Variants in CEP97 observed in about 807,000 individuals in gnomAD.
The protein encoded by CEP97 is centrosomal protein of 97 kDa.
Under a neutral mutation model 73.1 loss-of-function variants are expected in CEP97, and 43 were observed. The observed-to-expected ratio is 0.59, with a 90% CI of 0.46 to 0.76. CEP97 has a LOEUF of 0.76. CEP97 is among the 30% of genes least tolerant of loss of function. CEP97 has a pLI of 0.00. For missense variants in CEP97, 939 were observed against 1,014.0 expected (o/e 0.93, Z 1.00); for synonymous variants, 337 against 370.0 (o/e 0.91, Z 1.02).
chr3:101,751,717 G>A (rs56011334), intron 6 of CEP97, among the ~76,000 whole-genome samples: 65,484 of 151,618 alleles, frequency 0.43, 14,534 homozygotes, highest in African/African-American at 0.47. Context: ...CTGTTTTATC[G>A]GAGACTAGGA....
Position 101,758,299 on chromosome 3 carries a change from C to T in CEP97, c.1693C>T (p.Leu565Phe). Residue 565 changes from leucine to phenylalanine, a missense_variant, in exon 9 of 11, where the codon CTT (leucine) becomes TTT (phenylalanine). Transcript: ENST00000341893. ...LQKLNDAATK[L>F]QACWRGFYAR... ...GAAATTAAATGATGCAGCCACCAAG[C>T]TTCAGGCCTGTTGGCGGGGATTTTA... 6.2e-7 allele frequency: 1 copy of T among 1,614,194 alleles called. No individual in the cohort carries two copies. The highest frequency in any genetic ancestry group is 8.5e-7 in the Non-Finnish European group (1 of 1,180,036).
chr3:101,725,338 T>C (rs939938308), intron 1 of CEP97, among the ~76,000 whole-genome samples: 11 of 152,144 alleles, frequency 7.2e-5, no homozygotes, highest in African/African-American at 2.7e-4. Flanking sequence ...TACCTACCTC[T>C]TTGGGGCGCC....
At chr3:101,752,218 T>C (rs1192547858) in intron 6 of CEP97, among the ~76,000 whole-genome samples, 2 of 152,208 alleles carry the variant, frequency 1.3e-5, no homozygotes, top group Non-Finnish European at 2.9e-5. Context: ...TGAATATTAT[T>C]GGCCCCCACT....
At chr3:101,758,521 T>G in intron 9 of CEP97, 98 bp downstream of exon 9, 1 of 1,411,604 alleles carries the variant, frequency 7.1e-7, no homozygotes, top group Non-Finnish European at 9.7e-7. Context: ...ATTATAACAC[T>G]TTTCACACAA....
intron 6 of CEP97, among the ~76,000 whole-genome samples, chr3:101,736,722 A>T (rs1405309900): frequency 6.6e-6 from 1 of 152,244 alleles, no homozygotes; most frequent in Middle Eastern, 3.2e-3. Context: ...ATAGTAGATA[A>T]ATCCACGAAG....
intron 6 of CEP97, among the ~76,000 whole-genome samples, chr3:101,738,000 CA>C (rs1938333036): frequency 1.9e-4 from 2 of 10,740 alleles, no homozygotes; most frequent in African/African-American, 8.1e-4. Flanking sequence ...ATTTACCAAA[CA>C]AATGGAAAGC....
At chr3:101,732,214 A>G (rs1938135508) in intron 5 of CEP97, among the ~76,000 whole-genome samples, 1 of 152,202 alleles carries the variant, frequency 6.6e-6, no homozygotes, top group African/African-American at 2.4e-5. Flanking sequence ...AGGGTTTATA[A>G]GACTCCCTGT....
chr3:101,770,403 T>C lies in CEP97; in HGVS notation c.*4852T>C, dbSNP rs945860333. On this transcript the variant is annotated 3_prime_UTR_variant, in exon 11 of 11. Transcript: ENST00000341893. ...CAATAAGAGTTTAAAAATAATTTGA[T>C]TTTGGACTGTATTTAGATTTCTCTT... is the stretch of plus-strand genomic sequence containing the variant. The C allele has an allele frequency of 6.6e-6, 1 of 152,214 alleles. No homozygotes were observed. Among genetic ancestry groups the C allele is most frequent in the Non-Finnish European group, 1.5e-5 (1 of 68,038 alleles). 9.4% of individuals were successfully genotyped at this position (152,214 alleles called of 1,614,324 possible).
At chr3:101,757,493 G>T in intron 8 of CEP97, 141 bp from the exon 9 acceptor site, 2 of 767,068 alleles carry the variant, frequency 2.6e-6, no homozygotes. Flanking sequence ...TGTTTGGTTT[G>T]ATGTTTTCGG....
chr3:101,765,518 A>G lies in CEP97; in HGVS notation c.2565A>G (p.Thr855=), dbSNP rs1205618344. 5 of 1,612,970 alleles carry G rather than the reference A, an allele frequency of 3.1e-6. No individual in the cohort carries two copies. The highest frequency in any genetic ancestry group is 4.2e-6 in the Non-Finnish European group (5 of 1,179,228). ...GGCAGCAGCCAGAATGTGATTCTAC[A>G]TTTCAGCTATTGCATGTTGGTGTTA... ...VQGQQPECDS[T]FQLLHVGVTV The change falls in exon 11 of 11, where the codon ACA becomes ACG. Residue 855 remains threonine (T), a synonymous_variant. Coordinates refer to ENST00000341893, the MANE Select transcript of CEP97 (RefSeq NM_024548.4).
intron 10 of CEP97, among the ~76,000 whole-genome samples, chr3:101,762,885 T>C (rs1939209544): frequency 6.6e-6 from 1 of 152,176 alleles, no homozygotes; most frequent in Non-Finnish European, 1.5e-5. Flanking sequence ...GATCTGTCTT[T>C]TGGGAATATT....
At chr3:101,755,067 T>C (rs554544873) in intron 6 of CEP97, among the ~76,000 whole-genome samples, 1 of 152,120 alleles carries the variant, frequency 6.6e-6, no homozygotes, top group South Asian at 2.1e-4. Context: ...TTTTTTTTTT[T>C]CTTTTAACTG....
chr3:101,757,398 A>C (rs1369730249), intron 8 of CEP97, among the ~76,000 whole-genome samples: 1 of 152,208 alleles, frequency 6.6e-6, no homozygotes, highest in East Asian at 1.9e-4. Flanking sequence ...AATTTTAAGA[A>C]ACATTTCAAG....
chr3:101,745,735 T>TTTTA (rs990297743), intron 6 of CEP97, among the ~76,000 whole-genome samples: 56 of 151,902 alleles, frequency 3.7e-4, no homozygotes, highest in Non-Finnish European at 6.6e-4. Flanking sequence ...TTTTTTTGAA[T>TTTTA]TTTATTTATT....
Position 101,758,070 on chromosome 3 carries a change from A to C in CEP97, c.1464A>C (p.Thr488=), listed in dbSNP as rs1939066972. 6.2e-7 allele frequency: 1 copy of C among 1,614,148 alleles called. No homozygotes were observed. The highest frequency in any genetic ancestry group is 8.5e-7 in the Non-Finnish European group (1 of 1,180,058). Residue 488 remains threonine (T), a synonymous_variant, in exon 9 of 11, where the codon ACA becomes ACC. Transcript: ENST00000341893. ...GACTATTACCTTGTCCTGAGCCAACAATAATCAGTGCTATCTTGAAGGATG... is the reference window on the plus strand; with the variant it reads ...GACTATTACCTTGTCCTGAGCCAACCATAATCAGTGCTATCTTGAAGGATG... ...KAGLLPCPEP[T]IISAILKDDN...
intron 6 of CEP97, among the ~76,000 whole-genome samples, chr3:101,735,079 A>G (rs1938231350): frequency 6.6e-6 from 1 of 152,218 alleles, no homozygotes; most frequent in African/African-American, 2.4e-5. Context: ...GACTGGTCAT[A>G]TAGTAGGTGC....
chr3:101,733,144 C>T (rs1037086037), intron 6 of CEP97, among the ~76,000 whole-genome samples: 3 of 151,972 alleles, frequency 2.0e-5, no homozygotes, highest in East Asian at 1.9e-4. Flanking sequence ...GAAGAAATCT[C>T]GGCCCCAGAG....
At chr3:101,747,478 C>T (rs1938658430) in intron 6 of CEP97, among the ~76,000 whole-genome samples, 1 of 151,692 alleles carries the variant, frequency 6.6e-6, no homozygotes, top group South Asian at 2.1e-4. Context: ...CCAGGATGGT[C>T]TCGATCTCCT....
chr3:101,746,755 G>C (rs1432306184), intron 6 of CEP97, among the ~76,000 whole-genome samples: 2 of 152,066 alleles, frequency 1.3e-5, no homozygotes, highest in Non-Finnish European at 2.9e-5. Context: ...TACAAAATGG[G>C]AGAAAATTTT....
Sources: allele counts gnomAD v4.1 joint callset (sites outside exome capture counted in the v4.1 genomes callset), GRCh38; gene constraint gnomAD v4.1.1; transcripts MANE v1.5; gene names NCBI Gene and HGNC (gene_info 2026-07-23, HGNC 2026-07-21).